The following SASH1 variants were observed in gnomAD, a reference collection of about 807,000 sequenced individuals.
SASH1 encodes SAM and SH3 domain-containing protein 1.
SASH1 carries 44 observed loss-of-function variants against 125.2 expected under a neutral mutation model. That is an observed-to-expected ratio of 0.35 (90% CI 0.28 to 0.45). SASH1 has a LOEUF of 0.45. SASH1 is among the 20% of genes least tolerant of loss of function. The pLI is 1.00. For missense variants in SASH1, 1,426 were observed against 1,614.5 expected (o/e 0.88, Z 2.00); for synonymous variants, 639 against 649.1 (o/e 0.98, Z 0.24).
rs751047216 is a variant in SASH1 at position 148,548,275 on chromosome 6, T to C, written c.3481-20T>C. ...TGACACATGGAGCGTTTCTATCATA[T>C]TCTTTCTTAATTTATCCAGATTCCA... On this transcript the variant is annotated intron_variant, in intron 19 of 19. Coordinates refer to ENST00000367467, the MANE Select transcript of SASH1 (RefSeq NM_015278.5). The C allele has an allele frequency of 1.3e-6, 2 of 1,595,666 alleles. No individual in the cohort carries two copies. The highest frequency in any genetic ancestry group is 1.7e-6 in the Non-Finnish European group (2 of 1,170,470).
Position 148,467,368 on chromosome 6 carries a change from C to T in SASH1, c.387-1177C>T, listed in dbSNP as rs569469839. On this transcript the variant is annotated intron_variant, in intron 4 of 19. Transcript: ENST00000367467. Reference sequence around the variant, plus strand: ...CACCTCGTTCCCTTTTTGATACAACCAATTTTAACTTTCTTTGGCTTTCCC... The same window carrying T: ...CACCTCGTTCCCTTTTTGATACAACTAATTTTAACTTTCTTTGGCTTTCCC... Among the ~76,000 whole-genome samples the T allele has an allele frequency of 5.9e-5, 9 of 152,088 alleles. No individual in the cohort carries two copies. In the East Asian group the frequency reaches 1.4e-3, roughly 23 times the overall value.
At chr6:148,299,649 G>A (rs1157170803) in intron 1 of SASH1, among the ~76,000 whole-genome samples, 3 of 144,372 alleles carry the variant, frequency 2.1e-5, no homozygotes, top group African/African-American at 8.0e-5. Flanking sequence ...CTGCAAGATG[G>A]AAGCAAGACT....
chr6:148,216,725 C>G, the SASH1 span, among the ~76,000 whole-genome samples: 11 of 151,800 alleles, frequency 7.2e-5, no homozygotes, highest in African/African-American at 2.4e-4. Context: ...GACCTCATCT[C>G]TTTTTTCTTT....
the SASH1 span, among the ~76,000 whole-genome samples, chr6:148,237,388 A>ATAC: frequency 2.0e-5 from 3 of 152,228 alleles, no homozygotes; most frequent in African/African-American, 7.2e-5. Context: ...GCCTCAGTAT[A>ATAC]TACTACATTA....
chr6:148,357,124 C>G (rs1781976338), intron 1 of SASH1, among the ~76,000 whole-genome samples: 1 of 152,154 alleles, frequency 6.6e-6, no homozygotes, highest in Non-Finnish European at 1.5e-5. Flanking sequence ...TTTTCTCCCA[C>G]TCTGTGGGTT....
intron 2 of SASH1, among the ~76,000 whole-genome samples, chr6:148,413,821 T>G (rs1240616238): frequency 6.6e-6 from 1 of 151,924 alleles, no homozygotes; most frequent in East Asian, 1.9e-4. Flanking sequence ...TCTGCTCCCC[T>G]CTTCTTTCTA....
At chr6:148,497,812 G>T (rs1286646482) in intron 8 of SASH1, among the ~76,000 whole-genome samples, 1 of 152,106 alleles carries the variant, frequency 6.6e-6, no homozygotes. Flanking sequence ...TTTAAGGGTG[G>T]GTCTGGTATG....
intron 1 of SASH1, among the ~76,000 whole-genome samples, chr6:148,351,342 A>G (rs1781723874): frequency 6.6e-6 from 1 of 152,028 alleles, no homozygotes. Flanking sequence ...TCTTCAGACT[A>G]ATGTTCTCTG....
chr6:148,510,924 A>G (rs552869867), intron 8 of SASH1, among the ~76,000 whole-genome samples: 46 of 150,748 alleles, frequency 3.1e-4, no homozygotes, highest in African/African-American at 1.1e-3. Flanking sequence ...TGAACTCAGG[A>G]CGCAGAGGTT....
At position 148,548,398 on chromosome 6, in the gene SASH1, C is replaced by A; in HGVS notation, c.3584C>A (p.Ala1195Asp). 1 of 1,614,222 alleles carries A rather than the reference C, an allele frequency of 6.2e-7. No homozygotes were observed. Among genetic ancestry groups the A allele is most frequent in the South Asian group, 1.1e-5 (1 of 91,082 alleles). The part of the protein sequence containing the change: ...WLISIGLPMY[A>D]GTLSTAGFST... ...ATTTCCATCGGTCTGCCCATGTACG[C>A]CGGCACCCTCTCCACCGCGGGCTTC... Residue 1195 changes from alanine to aspartate, a missense_variant, in exon 20 of 20, where the codon GCC becomes GAC. Ala to Asp is a moderately radical substitution (Grantham distance 126). Transcript: ENST00000367467.
chr6:148,476,375 G>C (rs2115149079), intron 7 of SASH1, among the ~76,000 whole-genome samples: 1 of 150,976 alleles, frequency 6.6e-6, no homozygotes, highest in South Asian at 2.1e-4. Flanking sequence ...TACAGATTCA[G>C]TGCAATCCAT....
intron 1 of SASH1, among the ~76,000 whole-genome samples, chr6:148,314,662 C>T (rs1254475412): frequency 1.3e-5 from 2 of 152,070 alleles, no homozygotes; most frequent in African/African-American, 4.8e-5. Context: ...CACCCAACAT[C>T]ATTACTGTCT....
intron 1 of SASH1, among the ~76,000 whole-genome samples, chr6:148,306,370 T>C (rs962675990): frequency 1.3e-5 from 2 of 152,162 alleles, no homozygotes; most frequent in Admixed American, 6.5e-5. Flanking sequence ...GCACAAGTCT[T>C]CCAGCCAGGG....
intron 1 of SASH1, among the ~76,000 whole-genome samples, chr6:148,285,502 G>A (rs550384944): frequency 1.3e-5 from 2 of 152,278 alleles, no homozygotes; most frequent in African/African-American, 4.8e-5. Flanking sequence ...ACACTTTACA[G>A]GTTTTGTCCA....
chr6:148,340,554 C>G (rs189119723), upstream of SASH1, among the ~76,000 whole-genome samples: 2 of 151,864 alleles, frequency 1.3e-5, no homozygotes, highest in South Asian at 4.2e-4. Context: ...CCAATACAGT[C>G]AACTGTAAAG....
the SASH1 span, among the ~76,000 whole-genome samples, chr6:148,194,779 T>G: frequency 6.6e-6 from 1 of 152,260 alleles, no homozygotes; most frequent in South Asian, 2.1e-4. Flanking sequence ...TGGGGCGGGC[T>G]CCTGTAGTCC....
At chr6:148,237,206 A>G in the SASH1 span, among the ~76,000 whole-genome samples, 1 of 151,860 alleles carries the variant, frequency 6.6e-6, no homozygotes, top group Non-Finnish European at 1.5e-5. Flanking sequence ...AGCACAGTTC[A>G]TGTGAAACTC....
At chr6:148,238,340 C>T in the SASH1 span, among the ~76,000 whole-genome samples, 2 of 152,200 alleles carry the variant, frequency 1.3e-5, no homozygotes, top group South Asian at 4.1e-4. Flanking sequence ...GCTCCTACCT[C>T]AGTCTCCCAA....
chr6:148,482,049 T>G (rs1441782746), intron 7 of SASH1, among the ~76,000 whole-genome samples: 1 of 152,202 alleles, frequency 6.6e-6, no homozygotes, highest in African/African-American at 2.4e-5. Context: ...TTTTACTAAT[T>G]CCATAAGATG....
Sources: gnomAD v4.1 joint callset for allele counts (sites outside exome capture counted in the v4.1 genomes callset) on GRCh38, gnomAD v4.1.1 for gene constraint, MANE v1.5 for transcripts, NCBI Gene and HGNC (gene_info 2026-07-23, HGNC 2026-07-21) for gene names.